KANSL1L: variants seen among roughly 807,000 people sequenced by gnomAD.
KANSL1L encodes the protein KAT8 regulatory NSL complex subunit 1-like protein.
In KANSL1L, 25 loss-of-function variants were observed where a neutral mutation model predicts 108.6. The ratio of observed to expected loss-of-function variants is 0.23; its 90% CI spans 0.17 to 0.32. The LOEUF (loss-of-function observed/expected upper bound fraction) is 0.32. KANSL1L is among the 10% of genes least tolerant of loss of function. KANSL1L has a pLI of 1.00. For missense variants in KANSL1L, 1,137 were observed against 1,125.7 expected (o/e 1.01, Z -0.14); for synonymous variants, 405 against 395.1 (o/e 1.03, Z -0.30).
chr2:210,147,924 C>T (rs2095276856), intron 2 of KANSL1L, among the ~76,000 whole-genome samples: 1 of 152,142 alleles, frequency 6.6e-6, no homozygotes, highest in Admixed American at 6.5e-5. Flanking sequence ...CATGAGTATT[C>T]ATTTCTATGG....
intron 1 of KANSL1L, among the ~76,000 whole-genome samples, chr2:210,166,448 G>C (rs187528483): frequency 6.6e-6 from 1 of 152,042 alleles, no homozygotes; most frequent in Admixed American, 6.6e-5. Context: ...TAATCTCAAC[G>C]CTCAGAGTTG....
At chr2:210,160,600 T>G (rs886221279) in intron 1 of KANSL1L, among the ~76,000 whole-genome samples, 3 of 152,144 alleles carry the variant, frequency 2.0e-5, no homozygotes, top group African/African-American at 4.8e-5. Flanking sequence ...TTGGTATAAA[T>G]CTAAACACAA....
chr2:210,023,653 A>G (rs1291559099), intron 14 of KANSL1L, among the ~76,000 whole-genome samples: 1 of 152,234 alleles, frequency 6.6e-6, no homozygotes, highest in Admixed American at 6.5e-5. Context: ...AGTGTTAGAA[A>G]GCAGTCCCTT....
chr2:210,045,885 T>TTAA (rs1243027765), intron 6 of KANSL1L, among the ~76,000 whole-genome samples: 1 of 152,224 alleles, frequency 6.6e-6, no homozygotes, highest in East Asian at 1.9e-4. Context: ...GTGTCTTTAC[T>TTAA]TTTTTAGCAG....
chr2:210,095,077 C>T (rs952589059), intron 5 of KANSL1L, among the ~76,000 whole-genome samples: 1 of 152,082 alleles, frequency 6.6e-6, no homozygotes. Context: ...TGCATCCACA[C>T]ATATCTTAAT....
intron 8 of KANSL1L, among the ~76,000 whole-genome samples, chr2:210,037,263 T>C (rs1394900649): frequency 3.9e-5 from 6 of 152,214 alleles, no homozygotes; most frequent in Non-Finnish European, 7.3e-5. Flanking sequence ...CAGATGGTTA[T>C]ATAACATTCC....
chr2:210,053,234 A>G (rs1486785752), intron 6 of KANSL1L, among the ~76,000 whole-genome samples: 2 of 152,226 alleles, frequency 1.3e-5, no homozygotes, highest in Non-Finnish European at 2.9e-5. Flanking sequence ...CATTTGGATT[A>G]CAATGGACTG....
At chr2:210,170,294 G>T in intron 1 of KANSL1L, 16 of 890,116 alleles carry the variant, frequency 1.8e-5, no homozygotes, top group Non-Finnish European at 2.2e-5. Flanking sequence ...GCCAGAACAT[G>T]AATGTCCTGA....
intron 2 of KANSL1L, among the ~76,000 whole-genome samples, chr2:210,133,570 T>A (rs2095146396): frequency 1.3e-5 from 2 of 152,060 alleles, no homozygotes; most frequent in South Asian, 2.1e-4. Context: ...CTCTTTATCA[T>A]CACCTTTTCC....
chr2:210,077,754 A>C (rs2094552683), intron 5 of KANSL1L, among the ~76,000 whole-genome samples: 1 of 152,196 alleles, frequency 6.6e-6, no homozygotes, highest in South Asian at 2.1e-4. Flanking sequence ...AACTTTTACC[A>C]CTATTTACAA....
intron 3 of KANSL1L, among the ~76,000 whole-genome samples, chr2:210,124,986 G>A (rs916733994): frequency 1.3e-5 from 2 of 152,128 alleles, no homozygotes; most frequent in East Asian, 3.8e-4. Flanking sequence ...GGGTGTGGTG[G>A]CTCACATCTG....
chr2:210,152,352 TC>T (rs1158036010), intron 2 of KANSL1L: 1 of 152,218 alleles, frequency 6.6e-6, no homozygotes, highest in East Asian at 1.9e-4. Flanking sequence ...TTCCTTAGTA[TC>T]ACTGGCCAAA....
intron 9 of KANSL1L, chr2:210,030,835 T>C (rs1193337637): frequency 3.9e-5 from 6 of 152,064 alleles, no homozygotes; most frequent in African/African-American, 1.4e-4. Context: ...TTTGGAATTG[T>C]CTAGTTATTT....
chr2:210,127,982 T>C (rs1373281252), intron 3 of KANSL1L, among the ~76,000 whole-genome samples: 1 of 151,656 alleles, frequency 6.6e-6, no homozygotes, highest in Non-Finnish European at 1.5e-5. Context: ...AAAGAAGATA[T>C]CCAAAAGCCA....
intron 8 of KANSL1L, among the ~76,000 whole-genome samples, chr2:210,035,627 C>T (rs2094091663): frequency 6.6e-6 from 1 of 152,058 alleles, no homozygotes; most frequent in Non-Finnish European, 1.5e-5. Context: ...CACAGGTGTG[C>T]ACCACCACCC....
At chr2:210,039,940 AT>A in intron 8 of KANSL1L, among the ~76,000 whole-genome samples, 1 of 151,958 alleles carries the variant, frequency 6.6e-6, no homozygotes, top group Non-Finnish European at 1.5e-5. Context: ...TAGATTCTAC[AT>A]TATTATAGAT....
rs1015296835 is a variant in KANSL1L at position 210,117,743 on chromosome 2, T to C, written c.1230+11288A>G. ...ATAAAAAAGGAGACATTACAATGGA[T>C]ACAACAGAAATACAAAGGATTATAA... On this transcript the variant is annotated intron_variant, in intron 3 of 14. Coordinates refer to ENST00000281772, the MANE Select transcript of KANSL1L (RefSeq NM_152519.4). Among the ~76,000 whole-genome samples, 3 of 152,172 alleles carry C rather than the reference T, an allele frequency of 2.0e-5. No individual in the cohort carries two copies. The South Asian group carries it at 6.2e-4, about 32-fold the overall frequency.
intron 3 of KANSL1L, among the ~76,000 whole-genome samples, chr2:210,124,497 A>G (rs978572515): frequency 1.3e-5 from 2 of 152,128 alleles, no homozygotes; most frequent in African/African-American, 4.8e-5. Context: ...CAGTGAAGGC[A>G]GTGCTAAGGG....
chr2:210,098,056 T>G (rs764844665), intron 5 of KANSL1L, 30 bp downstream of exon 5: 1 of 1,546,876 alleles, frequency 6.5e-7, no homozygotes, highest in East Asian at 2.3e-5. Flanking sequence ...AAGTTGAATT[T>G]AAAAGCTAAG....
Sources: gnomAD v4.1 joint callset for allele counts (sites outside exome capture counted in the v4.1 genomes callset) on GRCh38, gnomAD v4.1.1 for gene constraint, MANE v1.5 for transcripts, NCBI Gene and HGNC (gene_info 2026-07-23, HGNC 2026-07-21) for gene names.